The following UGT2B4 variants were observed in gnomAD, a reference collection of about 807,000 sequenced individuals.
UGT2B4 encodes UDP-glucuronosyltransferase 2B4.
UGT2B4 carries 49 observed loss-of-function variants against 49.8 expected under a neutral mutation model. That is an observed-to-expected ratio of 0.98 (90% CI 0.78 to 1.25). The LOEUF is 1.25. Among genes scored for constraint, UGT2B4 ranks in the 50% most tolerant of loss-of-function variants. The pLI is 0.00. For synonymous variants in UGT2B4, 246 were observed against 217.7 expected (o/e 1.13, Z -1.14); for missense variants, 729 against 627.7 (o/e 1.16, Z -1.73).
At chr4:69,484,509 C>T (rs894223819) in intron 5 of UGT2B4, among the ~76,000 whole-genome samples, 2 of 151,912 alleles carry the variant, frequency 1.3e-5, no homozygotes, top group African/African-American at 4.8e-5. Flanking sequence ...ACAACAAAAA[C>T]TGTACTTGGT....
intron 4 of UGT2B4, among the ~76,000 whole-genome samples, chr4:69,485,923 G>A (rs757977268): frequency 2.2e-4 from 33 of 152,102 alleles, no homozygotes; most frequent in Admixed American, 2.6e-4. Flanking sequence ...GCCATGCCCA[G>A]TTAATTTTTT....
At chr4:69,501,415 G>C (rs1728315794) in intron 1 of UGT2B4, among the ~76,000 whole-genome samples, 2 of 152,088 alleles carry the variant, frequency 1.3e-5, no homozygotes, top group Admixed American at 1.3e-4. Context: ...CTAGAGATTT[G>C]AAAACACCCT....
upstream of UGT2B4, among the ~76,000 whole-genome samples, chr4:69,496,795 G>T (rs1014026810): frequency 2.0e-5 from 3 of 151,908 alleles, no homozygotes; most frequent in African/African-American, 7.3e-5. Flanking sequence ...ATATTTTATG[G>T]CTGGCTTATT....
At chr4:69,505,049 C>A (rs1217263651) in intron 1 of UGT2B4, among the ~76,000 whole-genome samples, 1 of 152,086 alleles carries the variant, frequency 6.6e-6, no homozygotes, top group African/African-American at 2.4e-5. Flanking sequence ...ACCTGCCTTA[C>A]AAAAGCTTCT....
intron 1 of UGT2B4, among the ~76,000 whole-genome samples, chr4:69,516,731 C>T (rs761855369): frequency 1.3e-4 from 20 of 151,996 alleles, no homozygotes; most frequent in African/African-American, 3.9e-4. Context: ...TTCAGTCTCT[C>T]GGAGTAGCTG....
At chr4:69,485,672 AT>A (rs1274830599) in intron 4 of UGT2B4, among the ~76,000 whole-genome samples, 16 of 144,954 alleles carry the variant, frequency 1.1e-4, no homozygotes, top group African/African-American at 4.1e-4. Context: ...AAAAGGTGCA[AT>A]TTAGATAAGG....
intron 1 of UGT2B4, among the ~76,000 whole-genome samples, chr4:69,523,526 T>C (rs1728892290): frequency 1.4e-5 from 2 of 146,492 alleles, no homozygotes; most frequent in African/African-American, 5.1e-5. Flanking sequence ...GCTTAAAATA[T>C]TCAGTAAATC....
intron 5 of UGT2B4, among the ~76,000 whole-genome samples, chr4:69,482,093 T>TCCTG (rs537554187): frequency 1.3e-5 from 2 of 152,254 alleles, no homozygotes; most frequent in South Asian, 2.1e-4. Context: ...TTCTTTAAGC[T>TCCTG]CCTGTCCTAG....
chr4:69,489,701 G>T, intron 2 of UGT2B4, 131 bp from the exon 3 acceptor site: 2 of 1,332,204 alleles, frequency 1.5e-6, no homozygotes, highest in Non-Finnish European at 2.0e-6. Flanking sequence ...TTTTTTAACT[G>T]ACTCAATTAC....
intron 1 of UGT2B4, 112 bp from the exon 2 acceptor site, chr4:69,493,953 C>A: frequency 1.6e-6 from 2 of 1,238,916 alleles, no homozygotes; most frequent in Non-Finnish European, 2.2e-6. Flanking sequence ...GTGTTTGTGC[C>A]TTGAAAAAAA....
At chr4:69,498,325 G>A (rs943799085), upstream of UGT2B4, among the ~76,000 whole-genome samples, 1 of 152,178 alleles carries the variant, frequency 6.6e-6, no homozygotes, top group Non-Finnish European at 1.5e-5. Context: ...GAGTGGGCAA[G>A]ATGGCCAACT....
chr4:69,497,955 G>A (rs1355225584), upstream of UGT2B4, among the ~76,000 whole-genome samples: 1 of 152,194 alleles, frequency 6.6e-6, no homozygotes, highest in Non-Finnish European at 1.5e-5. Context: ...ACTACTAGCA[G>A]TCACTACTCT....
chr4:69,510,587 TTCTG>T (rs1346679139), intron 1 of UGT2B4, among the ~76,000 whole-genome samples: 1 of 152,192 alleles, frequency 6.6e-6, no homozygotes, highest in Non-Finnish European at 1.5e-5. Flanking sequence ...ATATACTTGT[TTCTG>T]TATAGGATTC....
At chr4:69,525,620 A>T in intron 1 of UGT2B4, 1 of 1,028,444 alleles carries the variant, frequency 9.7e-7, no homozygotes, top group Non-Finnish European at 1.3e-6. Context: ...TAGATTATCT[A>T]CTCAGGTATC....
At chr4:69,508,476 A>T (rs1728527825) in intron 1 of UGT2B4, among the ~76,000 whole-genome samples, 2 of 152,226 alleles carry the variant, frequency 1.3e-5, no homozygotes, top group South Asian at 4.1e-4. Context: ...GATAGACTGG[A>T]TAAAGAATAT....
chr4:69,515,314 C>G (rs917858820), intron 1 of UGT2B4, among the ~76,000 whole-genome samples: 15 of 152,136 alleles, frequency 9.9e-5, no homozygotes, highest in Non-Finnish European at 2.1e-4. Context: ...TCATAACAGT[C>G]TCTTAGACTA....
At position 69,480,441 on chromosome 4, in the gene UGT2B4, T is replaced by C. The variant is rs1727549165; in HGVS notation, c.*193A>G. ...TTTATATCATTTTTGTTTTCCCTAA[T>C]GTTTTCCTCCTTGACATGAAATATT... is the stretch of plus-strand genomic sequence containing the variant. On this transcript the variant is annotated 3_prime_UTR_variant, in exon 6 of 6. Coordinates refer to ENST00000305107, the MANE Select transcript of UGT2B4 (RefSeq NM_021139.3). 1.3e-6 allele frequency: 1 copy of C among 754,036 alleles called. No individual in the cohort carries two copies. The highest frequency in any genetic ancestry group is 2.0e-6 in the Non-Finnish European group (1 of 491,194). The allele number at this position is 754,036 out of a possible 1,614,324, so 46.7% of individuals were successfully genotyped here.
intron 1 of UGT2B4, among the ~76,000 whole-genome samples, chr4:69,515,723 C>A (rs776607429): frequency 1.3e-5 from 2 of 151,782 alleles, no homozygotes; most frequent in East Asian, 3.9e-4. Context: ...TCCAGGAGCT[C>A]ATTTTTTGAA....
intron 1 of UGT2B4, among the ~76,000 whole-genome samples, chr4:69,505,458 A>T (rs1728443827): frequency 6.6e-6 from 1 of 152,044 alleles, no homozygotes; most frequent in South Asian, 2.1e-4. Context: ...TAAACAAAAA[A>T]CGAAAAAGAG....
Sources: gnomAD v4.1 joint callset for allele counts (sites outside exome capture counted in the v4.1 genomes callset) on GRCh38, gnomAD v4.1.1 for gene constraint, MANE v1.5 for transcripts, NCBI Gene and HGNC (gene_info 2026-07-23, HGNC 2026-07-21) for gene names.